Variants in SHROOM4 observed in about 807,000 individuals in gnomAD.
The protein encoded by SHROOM4 is protein Shroom4.
SHROOM4 carries 17 observed loss-of-function variants against 80.3 expected under a neutral mutation model. The ratio of observed to expected loss-of-function variants is 0.21; its 90% CI spans 0.14 to 0.32. The LOEUF is 0.32. Ranked by LOEUF, SHROOM4 falls within the 10% of genes least tolerant of loss-of-function variation. The pLI is 1.00. For synonymous variants in SHROOM4, 400 were observed against 437.5 expected (o/e 0.91, Z 1.07); for missense variants, 993 against 1,140.3 (o/e 0.87, Z 1.86).
intron 2 of SHROOM4, among the ~76,000 whole-genome samples, chrX:50,677,211 G>T (rs1309676882): frequency 9.0e-6 from 1 of 111,437 alleles, no homozygotes. Flanking sequence ...ACTAAGGGAG[G>T]CCCAAGGATG....
chrX:50,638,044 C>A, intron 3 of SHROOM4, 130 bp downstream of exon 3: 1 of 847,657 alleles, frequency 1.2e-6, no homozygotes, highest in African/African-American at 2.0e-5. Flanking sequence ...CTCAGGTACT[C>A]TGGACTCCCA....
At chrX:50,764,146 T>C (rs1267202297) in intron 1 of SHROOM4, among the ~76,000 whole-genome samples, 2 of 111,511 alleles carry the variant, frequency 1.8e-5, no homozygotes, top group Non-Finnish European at 3.8e-5. Context: ...CTGAGCAGAA[T>C]TTTTGTCGTT....
intron 2 of SHROOM4, among the ~76,000 whole-genome samples, chrX:50,652,615 C>A (rs1557259045): frequency 8.9e-6 from 1 of 111,948 alleles, no homozygotes; most frequent in African/African-American, 3.2e-5. Flanking sequence ...GTTGCCATTG[C>A]TTTTGGTGTT....
intron 1 of SHROOM4, among the ~76,000 whole-genome samples, chrX:50,717,534 A>T (rs1557265001): frequency 8.9e-6 from 1 of 112,358 alleles, no homozygotes; most frequent in Non-Finnish European, 1.9e-5. Flanking sequence ...AGCCATGTTA[A>T]TTGGTTGCAG....
intron 1 of SHROOM4, among the ~76,000 whole-genome samples, chrX:50,808,245 A>T (rs1216037685): frequency 8.9e-6 from 1 of 112,210 alleles, no homozygotes; most frequent in African/African-American, 3.2e-5. Context: ...GGACCCATGG[A>T]TGATCGCTAA....
At chrX:50,794,799 T>C (rs1935927049) in intron 1 of SHROOM4, among the ~76,000 whole-genome samples, 1 of 105,699 alleles carries the variant, frequency 9.5e-6, no homozygotes, top group Admixed American at 1.1e-4. Flanking sequence ...TTATAAATAT[T>C]AAGGAAGTCA....
At chrX:50,607,329 A>G in intron 6 of SHROOM4, 52 bp downstream of exon 6, 1 of 1,188,646 alleles carries the variant, frequency 8.4e-7, no homozygotes, top group Non-Finnish European at 1.1e-6. Flanking sequence ...GTAAAATTCA[A>G]ACTTGTGCTG....
At chrX:50,696,399 T>C (rs897294774) in intron 1 of SHROOM4, among the ~76,000 whole-genome samples, 2 of 110,654 alleles carry the variant, frequency 1.8e-5, no homozygotes, top group South Asian at 7.5e-4. Flanking sequence ...ACTTCCTAGC[T>C]GTGTGACCCT....
chrX:50,773,260 C>G (rs931015876), intron 1 of SHROOM4, among the ~76,000 whole-genome samples: 2 of 112,108 alleles, frequency 1.8e-5, no homozygotes, highest in South Asian at 3.7e-4. Flanking sequence ...TAAGTTTTCA[C>G]GACCACAAAC....
intron 1 of SHROOM4, among the ~76,000 whole-genome samples, chrX:50,752,796 T>C (rs1557268139): frequency 1.8e-5 from 2 of 112,194 alleles, no homozygotes; most frequent in Non-Finnish European, 3.8e-5. Flanking sequence ...CATTAATTTA[T>C]GTCTCCTTCT....
At chrX:50,796,302 T>C (rs1936009437) in intron 1 of SHROOM4, among the ~76,000 whole-genome samples, 2 of 112,057 alleles carry the variant, frequency 1.8e-5, no homozygotes, top group Admixed American at 1.9e-4. Context: ...GCCTCTAAGA[T>C]TCCTTTCAAC....
At chrX:50,749,768 A>G (rs1165903199) in intron 1 of SHROOM4, among the ~76,000 whole-genome samples, 1 of 111,772 alleles carries the variant, frequency 8.9e-6, no homozygotes, top group Non-Finnish European at 1.9e-5. Flanking sequence ...ATGTATGAGA[A>G]AGTGGTGAAT....
At chrX:50,735,227 A>G (rs181676783) in intron 1 of SHROOM4, among the ~76,000 whole-genome samples, 2 of 112,205 alleles carry the variant, frequency 1.8e-5, no homozygotes, top group East Asian at 5.6e-4. Context: ...AATTCAATAG[A>G]AAATGAATCA....
chrX:50,692,842 T>C, intron 2 of SHROOM4, among the ~76,000 whole-genome samples: 1 of 111,976 alleles, frequency 8.9e-6, no homozygotes, highest in East Asian at 2.8e-4. Flanking sequence ...TCCTTAAATA[T>C]TCTCTCTTCA....
intron 1 of SHROOM4, among the ~76,000 whole-genome samples, chrX:50,736,402 C>A (rs1396780057): frequency 2.7e-5 from 3 of 110,926 alleles, no homozygotes; most frequent in Non-Finnish European, 5.7e-5. Flanking sequence ...TAACGCTCTC[C>A]ATCTCCCCAG....
chrX:50,649,040 A>G (rs1931945275), intron 2 of SHROOM4, among the ~76,000 whole-genome samples: 1 of 111,955 alleles, frequency 8.9e-6, no homozygotes, highest in Non-Finnish European at 1.9e-5. Context: ...AAATCAGAGC[A>G]ATGGCAGTGG....
chrX:50,754,775 C>T (rs1264197161), intron 1 of SHROOM4, among the ~76,000 whole-genome samples: 2 of 111,942 alleles, frequency 1.8e-5, no homozygotes, highest in East Asian at 2.8e-4. Flanking sequence ...GTGCCAAACC[C>T]TCAGGAAGCA....
rs1602537007 is a variant in SHROOM4, at chrX:50,814,155, G to A, written c.-137C>T. 4 of 494,347 alleles carry A rather than the reference G, an allele frequency of 8.1e-6. No individual in the cohort carries two copies. The East Asian group carries it at 1.5e-4, about 18-fold the overall frequency. The allele number at this position is 494,347 out of a possible 1,213,427, so 40.7% of individuals were successfully genotyped here. The stretch of plus-strand genomic sequence containing the variant: ...CCTGCTCCGCCTACTCTCCCGGCTG[G>A]AGACGCTCAGGCAGCGAGCGAGCGC... On this transcript the variant is annotated 5_prime_UTR_variant, in exon 1 of 9. Transcript: ENST00000376020.
chrX:50,692,718 T>C (rs1569547707), intron 2 of SHROOM4, among the ~76,000 whole-genome samples: 1 of 111,537 alleles, frequency 9.0e-6, no homozygotes, highest in East Asian at 2.8e-4. Flanking sequence ...TTACTTAACA[T>C]GTCACCTCCT....
Sources: gnomAD v4.1 joint callset for allele counts (sites outside exome capture counted in the v4.1 genomes callset) on GRCh38, gnomAD v4.1.1 for gene constraint, MANE v1.5 for transcripts, NCBI Gene and HGNC (gene_info 2026-07-23, HGNC 2026-07-21) for gene names.